AFAP1: variants seen among roughly 807,000 people sequenced by gnomAD.
AFAP1 encodes actin filament-associated protein 1.
AFAP1 carries 75 observed loss-of-function variants against 93.9 expected under a neutral mutation model. That is an observed-to-expected ratio of 0.80 (90% CI 0.66 to 0.97). The LOEUF is 0.97. AFAP1 is among the 50% of genes least tolerant of loss of function. The probability of loss-of-function intolerance (pLI) is 0.00; values close to 1 mark genes in which losing one functional copy is unlikely to be tolerated. For missense variants in AFAP1, 1,201 were observed against 1,050.8 expected, an observed-to-expected ratio of 1.14 and a Z score of -1.98; for synonymous variants, 517 against 430.7, an observed-to-expected ratio of 1.20 and a Z score of -2.48.
chr4:7,831,898 A>G (rs1054100787), intron 6 of AFAP1, among the ~76,000 whole-genome samples: 1 of 152,192 alleles, frequency 6.6e-6, no homozygotes, highest in Non-Finnish European at 1.5e-5. Flanking sequence ...GGATGGCACT[A>G]TGGTCATAGA....
At chr4:7,769,501 A>T (rs999466536) in intron 16 of AFAP1, among the ~76,000 whole-genome samples, 6 of 152,302 alleles carry the variant, frequency 3.9e-5, no homozygotes, top group African/African-American at 1.4e-4. Flanking sequence ...CTCCATGAGC[A>T]CAGAGGCCTT....
intron 6 of AFAP1, among the ~76,000 whole-genome samples, chr4:7,828,776 T>C (rs1320174703): frequency 1.3e-5 from 2 of 152,180 alleles, no homozygotes; most frequent in Non-Finnish European, 2.9e-5. Flanking sequence ...AGAAGTCACA[T>C]AGCTTGTCCA....
intron 3 of AFAP1, among the ~76,000 whole-genome samples, chr4:7,860,651 C>A (rs1168545077): frequency 1.3e-5 from 2 of 152,292 alleles, no homozygotes; most frequent in South Asian, 4.1e-4. Flanking sequence ...AGAAGTCAGC[C>A]AGAGTGGGCA....
intron 6 of AFAP1, among the ~76,000 whole-genome samples, chr4:7,820,208 G>A (rs560970873): frequency 1.3e-5 from 2 of 152,290 alleles, no homozygotes; most frequent in Admixed American, 6.5e-5. Context: ...GGGACTTGAG[G>A]GAAAGAACTG....
Position 7,838,654 on chromosome 4 carries a change from T to TG in AFAP1, c.595dup (p.Gln199ProfsTer4), listed in dbSNP as rs944070924. 2.5e-6 allele frequency: 4 copies of TG among 1,614,174 alleles called. No homozygotes were observed. The highest frequency in any genetic ancestry group is 3.4e-6 in the Non-Finnish European group (4 of 1,180,026). ...CGGGATGTACGTAATGTTACAGCCT[T>TG]GGAGTGGCAGTTCCATCTGAGGCTG... On this transcript the variant is annotated frameshift_variant, in exon 6 of 18. Coordinates refer to ENST00000420658, the MANE Select transcript of AFAP1 (RefSeq NM_001134647.2). LOFTEE classifies it high-confidence loss of function.
chr4:7,789,857 A>G (rs1717703710), intron 11 of AFAP1, among the ~76,000 whole-genome samples: 1 of 152,208 alleles, frequency 6.6e-6, no homozygotes, highest in South Asian at 2.1e-4. Context: ...TGACTTGAAG[A>G]GAGTTTCAGG....
rs878929304 is a variant in AFAP1 at position 7,761,496 on chromosome 4, G to C, written c.*2269C>G. ...CTGGTGAGGAAGCTGGTGGGTGACG[G>C]CTAAGGCCCACGTGACACTTTGCGT... On this transcript the variant is annotated 3_prime_UTR_variant, in exon 18 of 18. Transcript: ENST00000420658. 1 of 152,302 alleles carries C rather than the reference G, an allele frequency of 6.6e-6. No individual in the cohort carries two copies. The highest frequency in any genetic ancestry group is 1.5e-5 in the Non-Finnish European group (1 of 68,084). The allele number at this position is 152,302 out of a possible 1,614,324, so 9.4% of individuals were successfully genotyped here.
At chr4:7,937,467 C>T (rs4696687) in intron 1 of AFAP1, among the ~76,000 whole-genome samples, 41,111 of 152,094 alleles carry the variant, frequency 0.27, 6,796 homozygotes, top group East Asian at 0.74. Context: ...ATTCCAGAGC[C>T]GGACGTAGAC....
intron 6 of AFAP1, among the ~76,000 whole-genome samples, chr4:7,824,994 G>C (rs997113919): frequency 5.3e-5 from 8 of 152,178 alleles, no homozygotes; most frequent in Non-Finnish European, 8.8e-5. Flanking sequence ...GATAACAGCA[G>C]TTTATATTAA....
chr4:7,819,030 C>T, intron 7 of AFAP1, 46 bp downstream of exon 7: 2 of 1,481,620 alleles, frequency 1.3e-6, no homozygotes, highest in South Asian at 2.6e-5. Flanking sequence ...AGACCCCAAT[C>T]CACTGCAAGG....
intron 1 of AFAP1, among the ~76,000 whole-genome samples, chr4:7,902,403 A>G (rs1486356320): frequency 6.6e-6 from 1 of 152,248 alleles, no homozygotes; most frequent in East Asian, 1.9e-4. Flanking sequence ...TTATCAGCCC[A>G]CAATGGCTGC....
intron 1 of AFAP1, among the ~76,000 whole-genome samples, chr4:7,882,576 G>A (rs572035280): frequency 6.6e-6 from 1 of 152,228 alleles, no homozygotes; most frequent in African/African-American, 2.4e-5. Context: ...CTCTAGAAAT[G>A]CAGGGTGGGT....
intron 1 of AFAP1, among the ~76,000 whole-genome samples, chr4:7,893,928 T>C (rs1395788756): frequency 6.6e-6 from 1 of 152,076 alleles, no homozygotes; most frequent in Non-Finnish European, 1.5e-5. Context: ...CGCTGCCGCC[T>C]CCCTCGCCTC....
At chr4:7,921,333 G>A (rs1174564960) in intron 1 of AFAP1, among the ~76,000 whole-genome samples, 21 of 151,752 alleles carry the variant, frequency 1.4e-4, no homozygotes, top group African/African-American at 4.4e-4. Context: ...ACAGGCGCCC[G>A]CCACCACGCC....
chr4:7,807,155 T>C (rs1019314452), intron 9 of AFAP1, among the ~76,000 whole-genome samples: 2 of 152,176 alleles, frequency 1.3e-5, no homozygotes, highest in Non-Finnish European at 2.9e-5. Flanking sequence ...TAATGTTTAA[T>C]TGTTTTTCAA....
intron 12 of AFAP1, 109 bp from the exon 13 acceptor site, chr4:7,781,736 C>G (rs1716795716): frequency 7.2e-7 from 1 of 1,381,574 alleles, no homozygotes; most frequent in Admixed American, 2.2e-5. Context: ...TACATTGGCA[C>G]CCCAACACTC....
chr4:7,830,654 G>C (rs1369126215), intron 6 of AFAP1, among the ~76,000 whole-genome samples: 1 of 152,056 alleles, frequency 6.6e-6, no homozygotes, highest in African/African-American at 2.4e-5. Flanking sequence ...TGTCACCCAG[G>C]CTGGAGTGCA....
intron 6 of AFAP1, 115 bp downstream of exon 6, chr4:7,838,409 G>T: frequency 8.2e-7 from 1 of 1,225,632 alleles, no homozygotes; most frequent in African/African-American, 1.5e-5. Flanking sequence ...AAAACTCTTT[G>T]GGTGAATCCA....
intron 4 of AFAP1, 60 bp from the exon 5 acceptor site, chr4:7,843,410 G>A (rs1713299035): frequency 6.9e-7 from 1 of 1,458,196 alleles, no homozygotes; most frequent in East Asian, 2.4e-5. Context: ...TTTACCCGTG[G>A]GCTCAAGAGC....
Sources: gnomAD v4.1 joint callset for allele counts (sites outside exome capture counted in the v4.1 genomes callset) on GRCh38, gnomAD v4.1.1 for gene constraint, MANE v1.5 for transcripts, NCBI Gene and HGNC (gene_info 2026-07-23, HGNC 2026-07-21) for gene names.